Variants in GPC3 observed in about 807,000 individuals in gnomAD.
GPC3 encodes the protein glypican 3, also known as glypican-3.
Under a neutral mutation model 34.4 loss-of-function variants are expected in GPC3, and 3 were observed. The ratio of observed to expected loss-of-function variants is 0.09; its 90% CI spans 0.04 to 0.23. The LOEUF is 0.23. GPC3 is among the 10% of genes least tolerant of loss of function. GPC3 has a pLI of 1.00. For synonymous variants in GPC3, 177 were observed against 174.0 expected, an observed-to-expected ratio of 1.02 and a Z score of -0.13; for missense variants, 351 against 445.6, an observed-to-expected ratio of 0.79 and a Z score of 1.91.
intron 5 of GPC3, among the ~76,000 whole-genome samples, chrX:133,663,023 G>C (rs1199785794): frequency 9.0e-6 from 1 of 111,536 alleles, no homozygotes; most frequent in South Asian, 3.9e-4. Context: ...CCATCAATCT[G>C]TCTTTCCAAG....
At chrX:133,608,240 T>C (rs1207436627) in intron 6 of GPC3, among the ~76,000 whole-genome samples, 1 of 112,973 alleles carries the variant, frequency 8.9e-6, no homozygotes, top group African/African-American at 3.2e-5. Flanking sequence ...TGAGCCTTGC[T>C]ACCCGCTTTG....
chrX:133,933,868 G>C (rs754663288), intron 2 of GPC3, among the ~76,000 whole-genome samples: 1 of 90,133 alleles, frequency 1.1e-5, no homozygotes, highest in African/African-American at 4.1e-5. Context: ...TTTTTTTTTT[G>C]TTTTTTTTTT....
At chrX:133,686,918 G>T (rs1415720145) in intron 5 of GPC3, among the ~76,000 whole-genome samples, 4 of 106,918 alleles carry the variant, frequency 3.7e-5, no homozygotes, top group African/African-American at 1.4e-4. Context: ...TTCTTTTTTT[G>T]TTTGTTTGTT....
intron 2 of GPC3, among the ~76,000 whole-genome samples, chrX:133,925,911 T>C (rs1306948041): frequency 9.0e-6 from 1 of 111,173 alleles, no homozygotes; most frequent in Non-Finnish European, 1.9e-5. Flanking sequence ...TGGAGATGGA[T>C]TGTGGGCCAA....
intron 2 of GPC3, among the ~76,000 whole-genome samples, chrX:133,805,623 T>A (rs1447322994): frequency 8.9e-6 from 1 of 112,360 alleles, no homozygotes; most frequent in Non-Finnish European, 1.9e-5. Context: ...GCTTTGCTAA[T>A]TAACGTGTAT....
chrX:133,981,999 AC>A (rs1245020567), intron 1 of GPC3, among the ~76,000 whole-genome samples: 1 of 108,847 alleles, frequency 9.2e-6, no homozygotes, highest in East Asian at 2.9e-4. Context: ...CCCTTACACT[AC>A]CCCCCTCCCC....
chrX:133,578,422 C>G (rs751062408), intron 7 of GPC3, among the ~76,000 whole-genome samples: 4 of 112,524 alleles, frequency 3.6e-5, no homozygotes, highest in Non-Finnish European at 5.6e-5. Flanking sequence ...GGCATGGTGG[C>G]TCATGCCTGT....
chrX:133,841,215 A>ATTTTTTTTTTTTT lies in GPC3; in HGVS notation c.338-87052_338-87040dup, dbSNP rs769696321. On this transcript the variant is annotated intron_variant, in intron 2 of 7. Transcript: ENST00000370818. ...ACCACCATGCCTGGCTAATCTTTTAATTTTTTTTTTTTTTTTTTTTTTTGG... is the reference window on the plus strand; with the variant it reads ...ACCACCATGCCTGGCTAATCTTTTAATTTTTTTTTTTTTTTTTTTTTTTTTTTTTTTTTTTTGG... Among the ~76,000 whole-genome samples, 392 of 39,208 alleles carry ATTTTTTTTTTTTT rather than the reference A, an allele frequency of 1.0e-2. 59 individuals carry two copies. Among genetic ancestry groups the ATTTTTTTTTTTTT allele is most frequent in the African/African-American group, 0.02 (292 of 14,300 alleles). 34.0% of individuals were successfully genotyped at this position (39,208 alleles called of 115,157 possible). A position where few individuals can be genotyped will look rare whatever the true frequency, so the allele number is the denominator to read the frequency against.
At chrX:133,965,440 CAAG>C (rs1308761616) in intron 1 of GPC3, among the ~76,000 whole-genome samples, 4 of 110,244 alleles carry the variant, frequency 3.6e-5, no homozygotes, top group African/African-American at 6.6e-5. Flanking sequence ...AGGAGAGACA[CAAG>C]AAGAGTAAAA....
intron 6 of GPC3, among the ~76,000 whole-genome samples, chrX:133,623,243 C>T (rs1316812101): frequency 8.9e-6 from 1 of 112,017 alleles, no homozygotes; most frequent in East Asian, 2.8e-4. Context: ...TAGGAAGCAA[C>T]TGCATCAACT....
chrX:133,541,988 T>C (rs1256783555), intron 7 of GPC3, among the ~76,000 whole-genome samples: 2 of 111,917 alleles, frequency 1.8e-5, no homozygotes, highest in Non-Finnish European at 3.8e-5. Flanking sequence ...TTCTCTCTGA[T>C]TCCAAGGCTC....
chrX:133,859,167 A>G (rs1206586092), intron 2 of GPC3, among the ~76,000 whole-genome samples: 15 of 111,214 alleles, frequency 1.3e-4, no homozygotes, highest in African/African-American at 4.9e-4. Flanking sequence ...CTCAGAGATT[A>G]AAATCACACA....
chrX:133,947,782 G>T (rs1284075507), intron 2 of GPC3, among the ~76,000 whole-genome samples: 1 of 111,677 alleles, frequency 9.0e-6, no homozygotes, highest in Non-Finnish European at 1.9e-5. Context: ...ACAGATGAGC[G>T]GTTTGATTAA....
chrX:133,546,694 G>A (rs1010494600), intron 7 of GPC3, among the ~76,000 whole-genome samples: 1 of 112,229 alleles, frequency 8.9e-6, no homozygotes, highest in Non-Finnish European at 1.9e-5. Flanking sequence ...TGGTTCAAAT[G>A]TGAAGAAAGG....
At chrX:133,566,758 G>A (rs1228008616) in intron 7 of GPC3, among the ~76,000 whole-genome samples, 1 of 111,443 alleles carries the variant, frequency 9.0e-6, no homozygotes, top group Non-Finnish European at 1.9e-5. Flanking sequence ...CATCCCCTCA[G>A]CTTTATCCTA....
At chrX:133,827,547 C>T (rs1327955859) in intron 2 of GPC3, among the ~76,000 whole-genome samples, 1 of 111,225 alleles carries the variant, frequency 9.0e-6, no homozygotes, top group Non-Finnish European at 1.9e-5. Context: ...CTTTGGGAGG[C>T]CAAGGCAGGT....
chrX:133,623,112 G>C (rs922251670), intron 6 of GPC3, among the ~76,000 whole-genome samples: 7 of 111,948 alleles, frequency 6.3e-5, no homozygotes, highest in Admixed American at 2.9e-4. Context: ...CAAATGCTGA[G>C]AGATTTTTGT....
chrX:133,979,594 C>T (rs1023900459), intron 1 of GPC3, among the ~76,000 whole-genome samples: 2 of 111,815 alleles, frequency 1.8e-5, no homozygotes, highest in Non-Finnish European at 3.8e-5. Context: ...CCCTGATACA[C>T]GTAGCATTTC....
intron 2 of GPC3, among the ~76,000 whole-genome samples, chrX:133,861,727 G>T (rs1480692939): frequency 1.8e-5 from 2 of 110,486 alleles, no homozygotes; most frequent in Non-Finnish European, 3.8e-5. Context: ...ACGAGATCTG[G>T]CTGTTTAAAA....
Sources: gnomAD v4.1 joint callset for allele counts (sites outside exome capture counted in the v4.1 genomes callset) on GRCh38, gnomAD v4.1.1 for gene constraint, MANE v1.5 for transcripts, NCBI Gene and HGNC (gene_info 2026-07-23, HGNC 2026-07-21) for gene names.